Variants in KCNQ1 observed in about 807,000 individuals in gnomAD.
The protein encoded by KCNQ1 is potassium voltage-gated channel subfamily KQT member 1.
A neutral mutation model predicts 72.4 loss-of-function variants in KCNQ1; 49 were observed. The ratio of observed to expected loss-of-function variants is 0.68; its 90% CI spans 0.54 to 0.86. The LOEUF is 0.86. Among genes scored for constraint, KCNQ1 ranks in the 40% least tolerant of loss-of-function variants. The probability of loss-of-function intolerance (pLI) is 0.00; values close to 1 mark genes in which losing one functional copy is unlikely to be tolerated. For synonymous variants in KCNQ1, 450 were observed against 412.6 expected (o/e 1.09, Z -1.10); for missense variants, 790 against 945.1 (o/e 0.84, Z 2.15).
At chr11:2,578,180 C>T (rs1286723317) in intron 6 of KCNQ1, among the ~76,000 whole-genome samples, 2 of 152,228 alleles carry the variant, frequency 1.3e-5, no homozygotes, top group Non-Finnish European at 2.9e-5. Context: ...AGCAGGCAGC[C>T]CGTGAGAAGT....
intron 11 of KCNQ1, chr11:2,692,364 T>A (rs1044494313): frequency 2.5e-6 from 1 of 398,982 alleles, no homozygotes; most frequent in Non-Finnish European, 4.4e-6. Flanking sequence ...ATCTCCTAAC[T>A]GGCATTCTCA....
intron 1 of KCNQ1, among the ~76,000 whole-genome samples, chr11:2,465,055 C>T (rs1846332052): frequency 6.6e-6 from 1 of 152,234 alleles, no homozygotes; most frequent in South Asian, 2.1e-4. Context: ...AACGGCCGCT[C>T]CTTCAGGGGC....
At position 2,733,814 on chromosome 11, in the gene KCNQ1, A is replaced by ACACACACACACACACACT; in HGVS notation, c.1515-35029_1515-35028insACACACACACACACACTC. ...CACACACACACACACACACACACAC[A>ACACACACACACACACACT]CTCTCTCACTCTCTCTCTCTCTCTC... On this transcript the variant is annotated intron_variant, in intron 11 of 15. Coordinates refer to ENST00000155840, the MANE Select transcript of KCNQ1 (RefSeq NM_000218.3). Among the ~76,000 whole-genome samples the ACACACACACACACACACT allele has an allele frequency of 2.8e-4, 24 of 86,634 alleles. No homozygotes were observed. The East Asian group carries it at 5.1e-3, about 18-fold the overall frequency. 56.8% of individuals were successfully genotyped at this position (86,634 alleles called of 152,430 possible).
At position 2,673,604 on chromosome 11, in the gene KCNQ1, G is replaced by A. The variant is rs987560776; in HGVS notation, c.1514+11523G>A. 1.3e-5 allele frequency: 5 copies of A among 398,642 alleles called. No individual in the cohort carries two copies. The highest frequency in any genetic ancestry group is 1.3e-4 in the South Asian group (1 of 7,866). The allele number at this position is 398,642 out of a possible 1,614,324, so 24.7% of individuals were successfully genotyped here. On this transcript the variant is annotated intron_variant, in intron 11 of 15. Transcript: ENST00000155840. This position sits in a 1 kb window ranked among gnomAD's most constrained non-coding sequence, Gnocchi z 4.5. Reference sequence around the variant, plus strand: ...TACTTGGGCTAAAGAGAAGCTAAACGTGACCAGCCTACCCACCTTGCTACT... The same window carrying A: ...TACTTGGGCTAAAGAGAAGCTAAACATGACCAGCCTACCCACCTTGCTACT...
chr11:2,741,662 C>T (rs1366346979), intron 11 of KCNQ1, among the ~76,000 whole-genome samples: 1 of 152,234 alleles, frequency 6.6e-6, no homozygotes, highest in Non-Finnish European at 1.5e-5. Flanking sequence ...CATTCCACCA[C>T]CACTGGCCTG....
At chr11:2,596,808 C>A (rs1038460665) in intron 10 of KCNQ1, among the ~76,000 whole-genome samples, 4 of 151,706 alleles carry the variant, frequency 2.6e-5, no homozygotes, top group Admixed American at 1.3e-4. Context: ...TCAAAAGTTA[C>A]CAAATTGCAC....
intron 11 of KCNQ1, chr11:2,665,327 A>C (rs1850047144): frequency 2.5e-6 from 1 of 398,186 alleles, no homozygotes; most frequent in South Asian, 1.3e-4. Context: ...TGGGAAGTAG[A>C]GACTGTAGGC....
rs907126380 is a variant in KCNQ1 at position 2,724,967 on chromosome 11, C to T, written c.1515-43877C>T. On this transcript the variant is annotated intron_variant, in intron 11 of 15. Coordinates refer to ENST00000155840, the MANE Select transcript of KCNQ1 (RefSeq NM_000218.3). This position sits in a 1 kb window ranked among gnomAD's most constrained non-coding sequence, Gnocchi z 6.8. The stretch of plus-strand genomic sequence containing the variant: ...CGAGGGCAGGGTCTGGTGTGGCTAT[C>T]AGGAGCCACTGGATTGGAACTTGGT... Among the ~76,000 whole-genome samples, 5 of 152,124 alleles carry T rather than the reference C, an allele frequency of 3.3e-5. No homozygotes were observed. Among genetic ancestry groups the T allele is most frequent in the African/African-American group, 1.2e-4 (5 of 41,426 alleles).
chr11:2,672,722 CA>C, intron 11 of KCNQ1: 1 of 398,880 alleles, frequency 2.5e-6, no homozygotes, highest in Non-Finnish European at 4.4e-6. Flanking sequence ...TGTCAGGTTC[CA>C]GACTCCAAGT....
intron 10 of KCNQ1, chr11:2,632,448 G>C (rs1462898367): frequency 2.5e-5 from 10 of 398,158 alleles, no homozygotes; most frequent in Admixed American, 4.4e-5. Context: ...CCTGATCTTA[G>C]AGGAAAAGCT....
Position 2,663,995 on chromosome 11 carries a change from TG to T in KCNQ1, c.1514+1917del. On this transcript the variant is annotated intron_variant, in intron 11 of 15. Transcript: ENST00000155840. The surrounding 1 kb of genome is among the most constrained non-coding windows in gnomAD (Gnocchi z 5.2). ...CCATCCCCAAGCTCTCTGCCCACTT[TG>T]GGTCTGGCACATTACCATTCTGCAA... 1 of 398,738 alleles carries T rather than the reference TG, an allele frequency of 2.5e-6. No homozygotes were observed. The highest frequency in any genetic ancestry group is 3.6e-5 in the East Asian group (1 of 28,076). 24.7% of individuals were successfully genotyped at this position (398,738 alleles called of 1,614,324 possible).
intron 6 of KCNQ1, among the ~76,000 whole-genome samples, chr11:2,580,638 T>C (rs984788154): frequency 3.9e-5 from 6 of 152,162 alleles, no homozygotes; most frequent in African/African-American, 1.2e-4. Context: ...CTGCCGTCCC[T>C]GAGCCCAGCC....
At chr11:2,801,592 A>G (rs563183498) in intron 15 of KCNQ1, among the ~76,000 whole-genome samples, 1 of 152,254 alleles carries the variant, frequency 6.6e-6, no homozygotes, top group Admixed American at 6.5e-5. Flanking sequence ...CCCTGCCTTC[A>G]CAGTCTCCTT....
In KCNQ1 at chr11:2,451,778, A is replaced by G. The variant is rs1422761233; in HGVS notation, c.386+6294A>G. The stretch of plus-strand genomic sequence containing the variant: ...CTCCCCATTTCGCTCCTCCACTCAC[A>G]GATGAGGACATTTGGGTCGCCTTAC... On this transcript the variant is annotated intron_variant, in intron 1 of 15. Coordinates refer to ENST00000155840, the MANE Select transcript of KCNQ1 (RefSeq NM_000218.3). The surrounding 1 kb of genome is among the most constrained non-coding windows in gnomAD (Gnocchi z 6.4). Among the ~76,000 whole-genome samples the G allele has an allele frequency of 6.6e-6, 1 of 152,138 alleles. No individual in the cohort carries two copies. The highest frequency in any genetic ancestry group is 1.5e-5 in the Non-Finnish European group (1 of 68,022).
At chr11:2,738,825 G>A (rs572349190) in intron 11 of KCNQ1, among the ~76,000 whole-genome samples, 31 of 152,304 alleles carry the variant, frequency 2.0e-4, no homozygotes, top group Non-Finnish European at 3.4e-4. Flanking sequence ...CTGGCCTTCC[G>A]CAGACACTCA....
rs529975512 is a variant in KCNQ1, at chr11:2,833,864, G to A, written c.1795-13903G>A. Among the ~76,000 whole-genome samples the A allele has an allele frequency of 2.0e-4, 31 of 152,314 alleles. No individual in the cohort carries two copies. The South Asian group carries it at 6.2e-3, about 30-fold the overall frequency. ...GGGCCGTTCCGACAGGCTGAGGAGC[G>A]GCGGGGAGCGGGGCTTGCCAAATAT... On this transcript the variant is annotated intron_variant, in intron 15 of 15. Transcript: ENST00000155840.
intron 1 of KCNQ1, among the ~76,000 whole-genome samples, chr11:2,469,080 T>C (rs1846400010): frequency 6.6e-6 from 1 of 152,118 alleles, no homozygotes; most frequent in African/African-American, 2.4e-5. Flanking sequence ...ACACTTGGTG[T>C]GGTCGGTCTT....
intron 11 of KCNQ1, among the ~76,000 whole-genome samples, chr11:2,728,110 G>T (rs1845796698): frequency 6.6e-6 from 1 of 152,040 alleles, no homozygotes; most frequent in Admixed American, 6.5e-5. Flanking sequence ...GAGTGTTCTT[G>T]CCCAGGGCCT....
chr11:2,496,454 A>AAAAAT, intron 1 of KCNQ1, among the ~76,000 whole-genome samples: 1 of 150,494 alleles, frequency 6.6e-6, no homozygotes, highest in African/African-American at 2.4e-5. Context: ...ATAAAAAATA[A>AAAAAT]AAAATAAAAT....
Sources: gnomAD v4.1 joint callset for allele counts (sites outside exome capture counted in the v4.1 genomes callset) on GRCh38, gnomAD v4.1.1 for gene constraint, Gnocchi (gnomAD v3.1) non-coding constraint, MANE v1.5 for transcripts, NCBI Gene and HGNC (gene_info 2026-07-23, HGNC 2026-07-21) for gene names.